The following SLC24A2 variants were observed in gnomAD, a reference collection of about 807,000 sequenced individuals.
The protein encoded by SLC24A2 is solute carrier family 24 member 2, also known as sodium/potassium/calcium exchanger 2.
SLC24A2 carries 36 observed loss-of-function variants against 62.0 expected under a neutral mutation model. The observed-to-expected ratio is 0.58, with a 90% confidence interval of 0.44 to 0.77. The LOEUF (loss-of-function observed/expected upper bound fraction) is 0.77, where lower values mean the gene tolerates loss of function less well. Among genes scored for constraint, SLC24A2 ranks in the 30% least tolerant of loss-of-function variants. The pLI is 0.00. For synonymous variants in SLC24A2, 358 were observed against 294.0 expected (o/e 1.22, Z -2.23); for missense variants, 846 against 817.9 (o/e 1.03, Z -0.42).
the SLC24A2 span, among the ~76,000 whole-genome samples, chr9:20,074,593 G>A: frequency 4.1e-5 from 4 of 96,990 alleles, no homozygotes; most frequent in East Asian, 4.9e-4. Context: ...AAGGAAGGAA[G>A]GAAGGAAGGA....
intron 4 of SLC24A2, among the ~76,000 whole-genome samples, chr9:19,611,676 T>A (rs780165825): frequency 6.6e-6 from 1 of 151,914 alleles, no homozygotes; most frequent in Non-Finnish European, 1.5e-5. Flanking sequence ...AGGGCCACTG[T>A]GAAATAAATT....
At chr9:20,266,126 C>G in the SLC24A2 span, among the ~76,000 whole-genome samples, 3 of 152,190 alleles carry the variant, frequency 2.0e-5, no homozygotes, top group Non-Finnish European at 4.4e-5. Context: ...CGCCCTGCCT[C>G]CATTTGCCTT....
chr9:19,518,112 C>G (rs960705681), intron 10 of SLC24A2, among the ~76,000 whole-genome samples: 1 of 152,066 alleles, frequency 6.6e-6, no homozygotes, highest in Non-Finnish European at 1.5e-5. Context: ...TTAAACTTTA[C>G]TCAGAAAATG....
intron 2 of SLC24A2, among the ~76,000 whole-genome samples, chr9:19,728,411 G>T (rs533973759): frequency 6.6e-6 from 1 of 152,212 alleles, no homozygotes; most frequent in Admixed American, 6.5e-5. Flanking sequence ...AGGGGACTAA[G>T]CTGGCTGTTC....
chr9:20,143,524 GA>G, the SLC24A2 span, among the ~76,000 whole-genome samples: 1 of 152,144 alleles, frequency 6.6e-6, no homozygotes, highest in Non-Finnish European at 1.5e-5. Flanking sequence ...GATGATGAGA[GA>G]AAAAACTATA....
intron 2 of SLC24A2, among the ~76,000 whole-genome samples, chr9:19,678,821 T>G (rs991578301): frequency 3.9e-5 from 6 of 152,226 alleles, no homozygotes; most frequent in Admixed American, 2.6e-4. Context: ...AAATACCTTC[T>G]CATTGTTCAC....
Position 19,654,847 on chromosome 9 carries a change from G to A in SLC24A2, c.931-32548C>T, listed in dbSNP as rs368678162. Among the ~76,000 whole-genome samples, 14 of 152,260 alleles carry A rather than the reference G, an allele frequency of 9.2e-5. 1 individual carries two copies. Among genetic ancestry groups the A allele is most frequent in the African/African-American group, 3.1e-4 (13 of 41,546 alleles). ...GGCACAGGCTCTCCGTACTCACACGGCAATGCAAGCATCAGTGTTCACTGT... is the reference window on the plus strand; with the variant it reads ...GGCACAGGCTCTCCGTACTCACACGACAATGCAAGCATCAGTGTTCACTGT... On this transcript the variant is annotated intron_variant, in intron 2 of 10. Coordinates refer to ENST00000341998, the MANE Select transcript of SLC24A2 (RefSeq NM_020344.4).
chr9:19,660,931 T>C (rs1819080195), intron 2 of SLC24A2, among the ~76,000 whole-genome samples: 1 of 152,150 alleles, frequency 6.6e-6, no homozygotes, highest in Non-Finnish European at 1.5e-5. Flanking sequence ...TAAGGCAACA[T>C]ACTAATAAAT....
chr9:20,210,519 G>C, the SLC24A2 span, among the ~76,000 whole-genome samples: 3 of 151,948 alleles, frequency 2.0e-5, no homozygotes, highest in Non-Finnish European at 2.9e-5. Flanking sequence ...TGTCGCCCAG[G>C]CTGGAGTGTA....
chr9:20,149,060 G>T, the SLC24A2 span, among the ~76,000 whole-genome samples: 1 of 152,018 alleles, frequency 6.6e-6, no homozygotes, highest in Non-Finnish European at 1.5e-5. Context: ...TATTTTAACA[G>T]GAGGCAATGA....
At chr9:19,518,697 G>C (rs1425049067) in intron 10 of SLC24A2, among the ~76,000 whole-genome samples, 1 of 152,104 alleles carries the variant, frequency 6.6e-6, no homozygotes, top group African/African-American at 2.4e-5. Context: ...TGGGATTACA[G>C]GTGTGAGCCA....
At chr9:20,006,005 C>G in the SLC24A2 span, among the ~76,000 whole-genome samples, 9 of 151,810 alleles carry the variant, frequency 5.9e-5, no homozygotes, top group Middle Eastern at 6.8e-3. Flanking sequence ...TTCTGTCATA[C>G]CACATATATA....
the SLC24A2 span, among the ~76,000 whole-genome samples, chr9:20,186,503 C>T: frequency 1.3e-5 from 2 of 152,148 alleles, no homozygotes; most frequent in Non-Finnish European, 2.9e-5. Flanking sequence ...CTCCCTACTC[C>T]AACACATTGA....
chr9:19,747,005 AGTACTATGCTG>A (rs1484782419), intron 2 of SLC24A2, among the ~76,000 whole-genome samples: 1 of 152,182 alleles, frequency 6.6e-6, no homozygotes, highest in Admixed American at 6.6e-5. Flanking sequence ...ACTGTGGGCC[AGTACTATGCTG>A]GTACTCTCCA....
At chr9:20,107,472 G>A in the SLC24A2 span, among the ~76,000 whole-genome samples, 3 of 152,150 alleles carry the variant, frequency 2.0e-5, no homozygotes, top group Admixed American at 2.0e-4. Context: ...CACCAAAACA[G>A]CATGGTGCTG....
At chr9:19,948,836 C>G in the SLC24A2 span, among the ~76,000 whole-genome samples, 1 of 93,220 alleles carries the variant, frequency 1.1e-5, no homozygotes, top group Non-Finnish European at 2.1e-5. Flanking sequence ...CAGAACGAGA[C>G]TCCGTCTCAA....
At chr9:19,729,884 C>CA (rs1230481403) in intron 2 of SLC24A2, among the ~76,000 whole-genome samples, 1 of 151,860 alleles carries the variant, frequency 6.6e-6, no homozygotes, top group Non-Finnish European at 1.5e-5. Flanking sequence ...ATTACCAACA[C>CA]AAAAAAATAA....
At chr9:20,018,108 G>C in the SLC24A2 span, among the ~76,000 whole-genome samples, 1 of 152,024 alleles carries the variant, frequency 6.6e-6, no homozygotes, top group Non-Finnish European at 1.5e-5. Flanking sequence ...CACCAGGCCC[G>C]GCTAATTTTT....
rs759082273 is a variant in SLC24A2, at chr9:19,766,774, C to T, written c.930+19163G>A. Among the ~76,000 whole-genome samples, 6 of 152,320 alleles carry T rather than the reference C, an allele frequency of 3.9e-5. No individual in the cohort carries two copies. The East Asian group carries it at 7.7e-4, about 20-fold the overall frequency. ...CCCCTTCAGAAGGCATGAGGGTCAG[C>T]GACCCACTTGAGGAGGCAGTCTGTC... On this transcript the variant is annotated intron_variant, in intron 2 of 10. Transcript: ENST00000341998.
Sources: gnomAD v4.1 joint callset for allele counts (sites outside exome capture counted in the v4.1 genomes callset) on GRCh38, gnomAD v4.1.1 for gene constraint, MANE v1.5 for transcripts, NCBI Gene and HGNC (gene_info 2026-07-23, HGNC 2026-07-21) for gene names.